PHACTR1: variants seen among roughly 807,000 people sequenced by gnomAD.
PHACTR1 encodes phosphatase and actin regulator 1, also known as RPEL repeat containing 1.
In PHACTR1, 16 loss-of-function variants were observed where a neutral mutation model predicts 69.2. That is an observed-to-expected ratio of 0.23 (90% confidence interval 0.16 to 0.35). The LOEUF (loss-of-function observed/expected upper bound fraction) is 0.35, where lower values mean the gene tolerates loss of function less well. PHACTR1 is among the 10% of genes least tolerant of loss of function. The pLI is 1.00. For missense variants in PHACTR1, 510 were observed against 734.7 expected (o/e 0.69, Z 3.54); for synonymous variants, 312 against 284.5 (o/e 1.10, Z -0.97).
At chr6:13,088,250 A>G (rs1197468773) in intron 5 of PHACTR1, among the ~76,000 whole-genome samples, 4 of 152,116 alleles carry the variant, frequency 2.6e-5, no homozygotes, top group African/African-American at 4.8e-5. Flanking sequence ...AAGTAATAAT[A>G]AAACATAATA....
intron 4 of PHACTR1, among the ~76,000 whole-genome samples, chr6:12,784,279 T>C (rs1453037532): frequency 6.6e-6 from 1 of 151,852 alleles, no homozygotes; most frequent in African/African-American, 2.4e-5. Flanking sequence ...TACATGATAC[T>C]ATATACATGC....
chr6:13,280,359 G>T (rs1779884421), intron 12 of PHACTR1: 1 of 152,956 alleles, frequency 6.5e-6, no homozygotes, highest in Non-Finnish European at 1.5e-5. Context: ...AGCTTGAGAG[G>T]GGATAACTGC....
intron 4 of PHACTR1, among the ~76,000 whole-genome samples, chr6:12,949,284 A>AAAG (rs1554175603): frequency 4.1e-5 from 6 of 147,174 alleles, no homozygotes; most frequent in African/African-American, 1.6e-4. Context: ...AAAAAAAAAA[A>AAAG]AAAGAAAGAA....
chr6:12,998,654 C>T (rs1797725423), intron 4 of PHACTR1, among the ~76,000 whole-genome samples: 2 of 150,300 alleles, frequency 1.3e-5, no homozygotes, highest in African/African-American at 4.9e-5. Flanking sequence ...AGTCCCAAGG[C>T]AGCGCAAAAC....
chr6:13,233,355 T>TA (rs1771523399), intron 10 of PHACTR1, among the ~76,000 whole-genome samples: 1 of 152,278 alleles, frequency 6.6e-6, no homozygotes, highest in Non-Finnish European at 1.5e-5. Flanking sequence ...ACTGAAGGTT[T>TA]ACCATAGTAT....
At chr6:13,048,667 G>T (rs1422071037) in intron 4 of PHACTR1, among the ~76,000 whole-genome samples, 1 of 152,140 alleles carries the variant, frequency 6.6e-6, no homozygotes, top group African/African-American at 2.4e-5. Context: ...CAGTAGCTGG[G>T]ATTACAGGCA....
At position 12,992,653 on chromosome 6, in the gene PHACTR1, G is replaced by T. The variant is rs147265311; in HGVS notation, c.251-60712G>T. On this transcript the variant is annotated intron_variant, in intron 4 of 14. Coordinates refer to ENST00000332995, the MANE Select transcript of PHACTR1 (RefSeq NM_030948.6). ...GCGGTGCTGTTTTTCATTGCCTTAT[G>T]CCAAGGAAATTGAGGACGCAGATGC... Among the ~76,000 whole-genome samples the T allele has an allele frequency of 2.3e-3, 353 of 152,244 alleles. 2 individuals carry two copies. The highest frequency in any genetic ancestry group is 3.4e-3 in the Admixed American group (52 of 15,294).
chr6:13,002,841 G>T (rs930040415), intron 4 of PHACTR1, among the ~76,000 whole-genome samples: 3 of 152,204 alleles, frequency 2.0e-5, no homozygotes, highest in Admixed American at 1.3e-4. Flanking sequence ...AGTTATGCCG[G>T]TAAGTCACAT....
chr6:13,242,487 CA>C (rs1200581092), intron 10 of PHACTR1, among the ~76,000 whole-genome samples: 1 of 152,148 alleles, frequency 6.6e-6, no homozygotes, highest in Non-Finnish European at 1.5e-5. Flanking sequence ...AGTTGGAATT[CA>C]GGGGCACCAG....
Position 12,842,575 on chromosome 6 carries a change from A to G in PHACTR1, c.250+92785A>G, listed in dbSNP as rs146876300. Reference sequence around the variant, plus strand: ...TATTTTGAGACACGGTCTCAATCTCACTCTCACTCAGGCTGGAGTGCAGTG... The same window carrying G: ...TATTTTGAGACACGGTCTCAATCTCGCTCTCACTCAGGCTGGAGTGCAGTG... On this transcript the variant is annotated intron_variant, in intron 4 of 14. Coordinates refer to ENST00000332995, the MANE Select transcript of PHACTR1 (RefSeq NM_030948.6). Among the ~76,000 whole-genome samples the G allele has an allele frequency of 5.9e-5, 9 of 152,056 alleles. No homozygotes were observed. The East Asian group carries it at 1.7e-3, about 29-fold the overall frequency.
chr6:12,900,513 C>T (rs767269531), intron 4 of PHACTR1, among the ~76,000 whole-genome samples: 2 of 152,014 alleles, frequency 1.3e-5, no homozygotes, highest in East Asian at 3.9e-4. Flanking sequence ...GACAACATGG[C>T]GAAACCCTGT....
At chr6:13,187,616 T>G (rs1475150513) in intron 7 of PHACTR1, among the ~76,000 whole-genome samples, 1 of 152,174 alleles carries the variant, frequency 6.6e-6, no homozygotes, top group Non-Finnish European at 1.5e-5. Context: ...CTTTAAGAGA[T>G]CTTGGATCAC....
chr6:13,264,858 A>G (rs2127428189), intron 10 of PHACTR1: 1 of 152,258 alleles, frequency 6.6e-6, no homozygotes, highest in East Asian at 1.9e-4. Flanking sequence ...CCTCGTCTCT[A>G]CCAAAAATTA....
At chr6:13,231,095 GAAGGGAAAAGA>G (rs1770945951) in intron 10 of PHACTR1, among the ~76,000 whole-genome samples, 1 of 63,230 alleles carries the variant, frequency 1.6e-5, no homozygotes. Context: ...AAGAAGGAAG[GAAGGGAAAAGA>G]AAGAAGGAAA....
At chr6:13,073,058 C>G (rs1452368229) in intron 5 of PHACTR1, among the ~76,000 whole-genome samples, 1 of 152,006 alleles carries the variant, frequency 6.6e-6, no homozygotes, top group Non-Finnish European at 1.5e-5. Context: ...GTGAATGTTG[C>G]AAAGGACCAA....
Position 13,283,564 on chromosome 6 carries a change from T to C in PHACTR1, c.1650+2T>C, listed in dbSNP as rs1780777039. On this transcript the variant is annotated splice_donor_variant, in intron 13 of 14. Transcript: ENST00000332995. LOFTEE classifies it high-confidence loss of function. This position sits in a 1 kb window ranked among gnomAD's most constrained non-coding sequence, Gnocchi z 4.7. ...ACCCGCCTCACCGCTGCAGACAAAG[T>C]AAGCAGAGGGGAGTGCTGGAGAGTG... 6.2e-7 allele frequency: 1 copy of C among 1,613,586 alleles called. No homozygotes were observed. Among genetic ancestry groups the C allele is most frequent in the African/African-American group, 1.3e-5 (1 of 74,874 alleles).
rs1562060064 is a variant in PHACTR1, at chr6:13,245,052, G to T, written c.1391+14859G>T. 6.6e-6 allele frequency among the ~76,000 whole-genome samples: 1 copy of T among 152,160 alleles called. No homozygotes were observed. Reference sequence around the variant, plus strand: ...TGTTCTTCTGCCATGGTTTCAGCCGGTCCCTCTGTTTGGGGTCCCTGACTT... The same window carrying T: ...TGTTCTTCTGCCATGGTTTCAGCCGTTCCCTCTGTTTGGGGTCCCTGACTT... On this transcript the variant is annotated intron_variant, in intron 10 of 14. Coordinates refer to ENST00000332995, the MANE Select transcript of PHACTR1 (RefSeq NM_030948.6). The surrounding 1 kb of genome is among the most constrained non-coding windows in gnomAD (Gnocchi z 4.1).
chr6:13,027,044 C>T (rs1801793968), intron 4 of PHACTR1, among the ~76,000 whole-genome samples: 1 of 152,046 alleles, frequency 6.6e-6, no homozygotes, highest in Non-Finnish European at 1.5e-5. Context: ...CAGCTAAATC[C>T]ATAGGTATCA....
intron 5 of PHACTR1, among the ~76,000 whole-genome samples, chr6:13,073,232 A>AAAAAAAAAAAG (rs1283409050): frequency 6.6e-6 from 1 of 151,926 alleles, no homozygotes; most frequent in African/African-American, 2.4e-5. Flanking sequence ...TAACAAAAAA[A>AAAAAAAAAAAG]AAAGAAAATA....
Sources: gnomAD v4.1 joint callset for allele counts (sites outside exome capture counted in the v4.1 genomes callset) on GRCh38, gnomAD v4.1.1 for gene constraint, Gnocchi (gnomAD v3.1) non-coding constraint, MANE v1.5 for transcripts, NCBI Gene and HGNC (gene_info 2026-07-23, HGNC 2026-07-21) for gene names.